SPTAN1: variants seen among roughly 807,000 people sequenced by gnomAD.
The protein encoded by SPTAN1 is spectrin alpha, non-erythrocytic 1.
Under a neutral mutation model 331.3 loss-of-function variants are expected in SPTAN1, and 61 were observed. The observed-to-expected ratio is 0.18, with a 90% CI of 0.15 to 0.23. The LOEUF (loss-of-function observed/expected upper bound fraction) is 0.23. Among genes scored for constraint, SPTAN1 ranks in the 10% least tolerant of loss-of-function variants. The pLI is 1.00. For synonymous variants in SPTAN1, 1,153 were observed against 1,173.9 expected (o/e 0.98, Z 0.36); for missense variants, 2,043 against 3,147.9 (o/e 0.65, Z 8.40).
At chr9:128,581,157 C>T in intron 11 of SPTAN1, 98 bp downstream of exon 11, 3 of 1,501,738 alleles carry the variant, frequency 2.0e-6, no homozygotes, top group Non-Finnish European at 2.7e-6. Flanking sequence ...ACATCAGTAC[C>T]ATGTTAGTTC....
In SPTAN1 at chr9:128,633,557, C is replaced by T. The variant is rs535902014; in HGVS notation, c.*223C>T. 1.1e-5 allele frequency: 12 copies of T among 1,061,036 alleles called. No homozygotes were observed. The highest frequency in any genetic ancestry group is 4.7e-5 in the African/African-American group (3 of 63,744). 65.7% of individuals were successfully genotyped at this position (1,061,036 alleles called of 1,614,324 possible). A position where few individuals can be genotyped will look rare whatever the true frequency, so the allele number is the denominator to read the frequency against. On this transcript the variant is annotated 3_prime_UTR_variant, in exon 57 of 57. Coordinates refer to ENST00000372739, the MANE Select transcript of SPTAN1 (RefSeq NM_001130438.3). Reference sequence around the variant, plus strand: ...TGTCTTGAAGCAGCTGCCCTCATTCCGACTTCAGAAAATCGAAGCAGCTGG... The same window carrying T: ...TGTCTTGAAGCAGCTGCCCTCATTCTGACTTCAGAAAATCGAAGCAGCTGG...
chr9:128,594,499 C>T (rs1433352961), intron 24 of SPTAN1, 126 bp downstream of exon 24: 27 of 890,256 alleles, frequency 3.0e-5, no homozygotes, highest in South Asian at 3.1e-5. Context: ...GGTATGACTT[C>T]GGCTCACTGC....
At chr9:128,554,740 TGCGGAG>T (rs1375834856) in intron 1 of SPTAN1, among the ~76,000 whole-genome samples, 1 of 152,210 alleles carries the variant, frequency 6.6e-6, no homozygotes, top group African/African-American at 2.4e-5. Context: ...ACTCCAGGAA[TGCGGAG>T]GAGGAGGAGG....
At chr9:128,568,689 G>C in intron 2 of SPTAN1, 83 bp from the exon 3 acceptor site, 2 of 1,587,368 alleles carry the variant, frequency 1.3e-6, no homozygotes. Flanking sequence ...GGATTGAGGA[G>C]GGGAGGAACA....
chr9:128,568,021 C>T (rs1319538767), intron 2 of SPTAN1, among the ~76,000 whole-genome samples: 1 of 152,182 alleles, frequency 6.6e-6, no homozygotes, highest in Non-Finnish European at 1.5e-5. Flanking sequence ...CTCAGCCTCC[C>T]AAAGTGCTGG....
intron 31 of SPTAN1, among the ~76,000 whole-genome samples, chr9:128,605,783 A>G (rs1181509562): frequency 6.6e-6 from 1 of 152,118 alleles, no homozygotes; most frequent in Non-Finnish European, 1.5e-5. Context: ...CCTGAGGTCA[A>G]GAGTTCAAGA....
At chr9:128,572,109 C>T (rs1850793753) in intron 3 of SPTAN1, among the ~76,000 whole-genome samples, 1 of 152,232 alleles carries the variant, frequency 6.6e-6, no homozygotes, top group South Asian at 2.1e-4. Flanking sequence ...ATCCGCCTGC[C>T]TCGGCCTCCC....
chr9:128,598,195 A>T (rs1389885829), intron 24 of SPTAN1, among the ~76,000 whole-genome samples: 1 of 150,928 alleles, frequency 6.6e-6, no homozygotes, highest in Non-Finnish European at 1.5e-5. Context: ...TGATCCGCCC[A>T]CTTGGGCCTC....
chr9:128,615,883 T>C (rs768855213), intron 41 of SPTAN1, 43 bp downstream of exon 41: 11 of 1,602,978 alleles, frequency 6.9e-6, no homozygotes, highest in Non-Finnish European at 9.4e-6. Flanking sequence ...ACGCCTGTAA[T>C]AGTGGGCAGC....
chr9:128,577,298 T>C lies in SPTAN1; in HGVS notation c.930+25T>C, dbSNP rs754156968. On this transcript the variant is annotated intron_variant, in intron 7 of 56. Coordinates refer to ENST00000372739, the MANE Select transcript of SPTAN1 (RefSeq NM_001130438.3). This position sits in a 1 kb window ranked among gnomAD's most constrained non-coding sequence, Gnocchi z 4.2. The stretch of plus-strand genomic sequence containing the variant: ...GGTGGGTTTTACAAGCAGCTGATTC[T>C]GTAAATAAGTTACCAAGGGTCAGGA... 109 of 1,614,130 alleles carry C rather than the reference T, an allele frequency of 6.8e-5. No individual in the cohort carries two copies. The Admixed American group carries it at 1.5e-3, about 22-fold the overall frequency.
At chr9:128,624,605 C>G (rs1858452624) in intron 46 of SPTAN1, 118 bp downstream of exon 46, 1 of 1,324,372 alleles carries the variant, frequency 7.6e-7, no homozygotes. Context: ...TGGCAGAGAA[C>G]CTACTACCAG....
intron 11 of SPTAN1, 21 bp from the exon 12 acceptor site, chr9:128,581,761 C>CA (rs1349591600): frequency 6.3e-7 from 1 of 1,577,938 alleles, no homozygotes; most frequent in Non-Finnish European, 8.7e-7. Context: ...TTATTCTGAA[C>CA]ACTTTGTTTC....
intron 1 of SPTAN1, among the ~76,000 whole-genome samples, chr9:128,553,939 CAG>C (rs1683344582): frequency 6.6e-6 from 1 of 152,102 alleles, no homozygotes; most frequent in South Asian, 2.1e-4. Flanking sequence ...AGCCAGGAAA[CAG>C]AAAATCTTGG....
rs1332002951 is a variant in SPTAN1 at position 128,582,721 on chromosome 9, G to A, written c.1678G>A (p.Glu560Lys). The change falls in exon 14 of 57, where the codon GAG becomes AAG. Residue 560 changes from glutamate (E) to lysine (K), a missense_variant. Glu to Lys is a moderately conservative substitution (Grantham distance 56). Transcript: ENST00000372739. ...ALLSRRNALH[E>K]RAMRRRAQLA... is the part of the protein sequence containing the mutation. ...GTTGAGCCGCCGCAATGCCCTTCAC[G>A]AGAGAGCCATGCGTCGCCGGGCCCA... 3.7e-6 allele frequency: 6 copies of A among 1,613,806 alleles called. No homozygotes were observed. The highest frequency in any genetic ancestry group is 1.1e-5 in the South Asian group (1 of 91,074).
At position 128,625,694 on chromosome 9, in the gene SPTAN1, T is replaced by C; in HGVS notation, c.6070-75T>C. On this transcript the variant is annotated intron_variant, in intron 47 of 56. Coordinates refer to ENST00000372739, the MANE Select transcript of SPTAN1 (RefSeq NM_001130438.3). The surrounding 1 kb of genome is among the most constrained non-coding windows in gnomAD (Gnocchi z 4.1). ...CTTGGGCATCTGGGGGACATGCTGG[T>C]GCCATCTGAGCCTAGGAAGAGCAAG... 1.4e-6 allele frequency: 2 copies of C among 1,419,546 alleles called. No homozygotes were observed. The highest frequency in any genetic ancestry group is 2.0e-6 in the Non-Finnish European group (2 of 1,011,208). The allele number at this position is 1,419,546 out of a possible 1,614,324, so 87.9% of individuals were successfully genotyped here.
rs1391838062 is a variant in SPTAN1, at chr9:128,626,704, CCTCAGGAGCTGCT to C, written c.6576+19_6576+31del. 6.3e-7 allele frequency: 1 copy of C among 1,594,328 alleles called. No individual in the cohort carries two copies. The highest frequency in any genetic ancestry group is 8.5e-7 in the Non-Finnish European group (1 of 1,171,992). On this transcript the variant is annotated intron_variant, in intron 49 of 56. Transcript: ENST00000372739. The stretch of plus-strand genomic sequence containing the variant: ...ATCATCAAGGTACACCTCCCGCTGC[CCTCAGGAGCTGCT>C]CGGCCTCCCAGAGCCCTCTCTGGGC...
rs994996046 is a variant in SPTAN1 at position 128,625,128 on chromosome 9, A to T, written c.6018A>T (p.Thr2006=). 6.2e-7 allele frequency: 1 copy of T among 1,614,244 alleles called. No homozygotes were observed. Among genetic ancestry groups the T allele is most frequent in the African/African-American group, 1.3e-5 (1 of 75,078 alleles). Residue 2006 remains threonine (T), a synonymous_variant, in exon 47 of 57, where the codon ACA becomes ACT. Coordinates refer to ENST00000372739, the MANE Select transcript of SPTAN1 (RefSeq NM_001130438.3). This position sits in a 1 kb window ranked among gnomAD's most constrained non-coding sequence, Gnocchi z 4.1. ...WIGEKENSLK[T]DDYGRDLSSV... Reference sequence around the variant, plus strand: ...GTGAAAAGGAGAACAGCTTGAAGACAGATGATTATGGCCGAGACCTGTCTT... The same window carrying T: ...GTGAAAAGGAGAACAGCTTGAAGACTGATGATTATGGCCGAGACCTGTCTT...
intron 44 of SPTAN1, among the ~76,000 whole-genome samples, chr9:128,620,921 C>T (rs1043665484): frequency 6.6e-6 from 1 of 152,096 alleles, no homozygotes; most frequent in Non-Finnish European, 1.5e-5. Context: ...AAAGACTGTC[C>T]CTGCTGAAGC....
chr9:128,612,296 T>G, intron 39 of SPTAN1, 50 bp downstream of exon 39: 1 of 1,613,394 alleles, frequency 6.2e-7, no homozygotes, highest in African/African-American at 1.3e-5. Context: ...TCTAGTCATT[T>G]GGCACAGTGG....
Sources: allele counts gnomAD v4.1 joint callset (sites outside exome capture counted in the v4.1 genomes callset), GRCh38; gene constraint gnomAD v4.1.1; non-coding constraint Gnocchi (gnomAD v3.1); transcripts MANE v1.5; gene names NCBI Gene and HGNC (gene_info 2026-07-23, HGNC 2026-07-21).